CARS2: variants seen among roughly 807,000 people sequenced by gnomAD.
CARS2 encodes the protein cysteinyl-tRNA synthetase 2, mitochondrial.
Under a neutral mutation model 68.8 loss-of-function variants are expected in CARS2, and 52 were observed. That is an observed-to-expected ratio of 0.76 (90% confidence interval 0.61 to 0.95). The LOEUF is 0.95. CARS2 is among the 40% of genes least tolerant of loss of function. The pLI, the probability that CARS2 is intolerant of heterozygous loss-of-function variation, is 0.00. For missense variants in CARS2, 780 were observed against 754.2 expected, an observed-to-expected ratio of 1.03 and a Z score of -0.40; for synonymous variants, 314 against 303.6, an observed-to-expected ratio of 1.03 and a Z score of -0.36.
intron 12 of CARS2, 108 bp downstream of exon 12, chr13:110,645,859 G>A: frequency 7.3e-7 from 1 of 1,377,304 alleles, no homozygotes. Context: ...AGCTGCGGGA[G>A]GCGAAATCAG....
chr13:110,679,666 G>GGGAA (rs1194953350), intron 6 of CARS2, among the ~76,000 whole-genome samples: 1 of 125,124 alleles, frequency 8.0e-6, no homozygotes, highest in Non-Finnish European at 1.8e-5. Context: ...GAGGGAGGGA[G>GGGAA]GGAGGGAGGG....
rs141229011 is a variant in CARS2, at chr13:110,656,656, A to G, written c.988-5556T>C. Among the ~76,000 whole-genome samples, 331 of 152,252 alleles carry G rather than the reference A, an allele frequency of 2.2e-3. 1 individual carries two copies. The highest frequency in any genetic ancestry group is 7.6e-3 in the African/African-American group (316 of 41,554). ...GCCCAGCACTTTGGGAGGCCGAGGC[A>G]GGTGGATCACAAGGTCAGGAGATCA... On this transcript the variant is annotated intron_variant, in intron 9 of 14. Coordinates refer to ENST00000257347, the MANE Select transcript of CARS2 (RefSeq NM_024537.4).
At chr13:110,647,561 C>T (rs910447103) in intron 10 of CARS2, among the ~76,000 whole-genome samples, 7 of 151,984 alleles carry the variant, frequency 4.6e-5, no homozygotes, top group Middle Eastern at 3.4e-3. Flanking sequence ...AAGAAGGAGC[C>T]CCGCCCTGGA....
chr13:110,700,055 C>T (rs999626887), intron 3 of CARS2, among the ~76,000 whole-genome samples: 1 of 152,256 alleles, frequency 6.6e-6, no homozygotes, highest in Non-Finnish European at 1.5e-5. Flanking sequence ...TAGCTGAAGT[C>T]AGAGCTGTGG....
At chr13:110,660,352 T>A (rs1376201717) in intron 9 of CARS2, among the ~76,000 whole-genome samples, 3 of 152,232 alleles carry the variant, frequency 2.0e-5, no homozygotes. Flanking sequence ...CCTATTCCCA[T>A]CAATCATACA....
intron 11 of CARS2, chr13:110,646,525 G>A: frequency 5.8e-6 from 1 of 170,986 alleles, no homozygotes; most frequent in South Asian, 1.5e-4. Context: ...TGGCAGGGGT[G>A]GGTTATCACC....
At chr13:110,678,744 A>G (rs111426706) in intron 6 of CARS2, among the ~76,000 whole-genome samples, 70 of 152,352 alleles carry the variant, frequency 4.6e-4, no homozygotes, top group African/African-American at 1.4e-3. Context: ...ACAAATGCAG[A>G]GAATACTGTT....
intron 8 of CARS2, chr13:110,664,791 T>C (rs9583523): frequency 2.8e-6 from 1 of 360,474 alleles, no homozygotes; most frequent in Admixed American, 6.5e-5. Flanking sequence ...GCAGAGCCAG[T>C]GTGAATGGAA....
chr13:110,706,453 G>A (rs1293332331), upstream of CARS2: 3 of 168,148 alleles, frequency 1.8e-5, no homozygotes, highest in Non-Finnish European at 2.5e-5. Flanking sequence ...TGTGTCCGCC[G>A]CGCGGGAGGA....
chr13:110,660,038 T>C (rs1192451568), intron 9 of CARS2, among the ~76,000 whole-genome samples: 1 of 152,246 alleles, frequency 6.6e-6, no homozygotes, highest in Non-Finnish European at 1.5e-5. Flanking sequence ...ATTTATGCAA[T>C]AGTCTAAATC....
Position 110,670,297 on chromosome 13 carries a change from G to C in CARS2, c.786-2824C>G, listed in dbSNP as rs1566690013. ...TGATCCCCGAGTAGACCAACTGGGA[G>C]ACACCTCCCAGTAGGGGCTGACTGA... On this transcript the variant is annotated intron_variant, in intron 7 of 14. Coordinates refer to ENST00000257347, the MANE Select transcript of CARS2 (RefSeq NM_024537.4). The surrounding 1 kb of genome is among the most constrained non-coding windows in gnomAD (Gnocchi z 4.1). Among the ~76,000 whole-genome samples, 1 of 152,232 alleles carries C rather than the reference G, an allele frequency of 6.6e-6. No homozygotes were observed. Among genetic ancestry groups the C allele is most frequent in the Non-Finnish European group, 1.5e-5 (1 of 68,042 alleles).
Position 110,665,095 on chromosome 13 carries a change from A to T in CARS2, c.920-1577T>A. 1 of 985,454 alleles carries T rather than the reference A, an allele frequency of 1.0e-6. No homozygotes were observed. Among genetic ancestry groups the T allele is most frequent in the Non-Finnish European group, 1.2e-6 (1 of 829,936 alleles). The allele number at this position is 985,454 out of a possible 1,614,324, so 61.0% of individuals were successfully genotyped here. On this transcript the variant is annotated intron_variant, in intron 8 of 14. Transcript: ENST00000257347. The surrounding 1 kb of genome is among the most constrained non-coding windows in gnomAD (Gnocchi z 4.3). ...CTGATGTTTTGTTTGGGGCCAAACT[A>T]GTATGAAAAAGATCGCTGGTATCTT...
chr13:110,669,679 A>T (rs897102378), intron 7 of CARS2, among the ~76,000 whole-genome samples: 5 of 152,090 alleles, frequency 3.3e-5, no homozygotes, highest in Non-Finnish European at 5.9e-5. Context: ...CTGCATTTCC[A>T]ACTGAGGTAC....
intron 10 of CARS2, 131 bp downstream of exon 10, chr13:110,650,902 CG>C (rs775171310): frequency 4.1e-4 from 280 of 684,072 alleles, no homozygotes; most frequent in Admixed American, 5.2e-4. Flanking sequence ...CAACCCGAAC[CG>C]TAAGGCACAC....
rs2062672977 is a variant in CARS2, at chr13:110,667,225, C to T, written c.919+115G>A. 2.8e-5 allele frequency: 27 copies of T among 950,278 alleles called. No individual in the cohort carries two copies. In the South Asian group the frequency reaches 5.1e-4, roughly 18 times the overall value. 58.9% of individuals were successfully genotyped at this position (950,278 alleles called of 1,614,324 possible). On this transcript the variant is annotated intron_variant, in intron 8 of 14. Transcript: ENST00000257347. ...TCAAAAATAATTTAAGAGGCAAATC[C>T]ATTTCTTGACCTATTAGCTGATCTA...
chr13:110,700,202 T>G (rs192433386), intron 3 of CARS2, among the ~76,000 whole-genome samples: 1 of 152,236 alleles, frequency 6.6e-6, no homozygotes, highest in East Asian at 1.9e-4. Context: ...CTACAATCCT[T>G]GACAGTGTCA....
At chr13:110,684,519 G>A (rs80030913) in intron 5 of CARS2, among the ~76,000 whole-genome samples, 1 of 150,890 alleles carries the variant, frequency 6.6e-6, no homozygotes, top group South Asian at 2.1e-4. Context: ...GGACAGGGCA[G>A]GGTTTTCTGT....
At chr13:110,652,069 A>G (rs2062229699) in intron 9 of CARS2, among the ~76,000 whole-genome samples, 1 of 152,266 alleles carries the variant, frequency 6.6e-6, no homozygotes, top group African/African-American at 2.4e-5. Flanking sequence ...CCACCACCTC[A>G]GAAGACAGAA....
intron 3 of CARS2, among the ~76,000 whole-genome samples, chr13:110,693,540 T>C: frequency 6.6e-6 from 1 of 152,056 alleles, no homozygotes; most frequent in South Asian, 2.1e-4. Flanking sequence ...TTTGTATTTT[T>C]AGTAGACACG....
Sources: gnomAD v4.1 joint callset for allele counts (sites outside exome capture counted in the v4.1 genomes callset) on GRCh38, gnomAD v4.1.1 for gene constraint, Gnocchi (gnomAD v3.1) non-coding constraint, MANE v1.5 for transcripts, NCBI Gene and HGNC (gene_info 2026-07-23, HGNC 2026-07-21) for gene names.